Variants in STT3B observed in about 807,000 individuals in gnomAD.
STT3B encodes dolichyl-diphosphooligosaccharide--protein glycosyltransferase subunit STT3B.
Under a neutral mutation model 96.8 loss-of-function variants are expected in STT3B, and 29 were observed. That is an observed-to-expected ratio of 0.30 (90% CI 0.22 to 0.41). The LOEUF is 0.41. STT3B is among the 10% of genes least tolerant of loss of function. The pLI, the probability that STT3B is intolerant of heterozygous loss-of-function variation, is 1.00. For synonymous variants in STT3B, 367 were observed against 360.0 expected, an observed-to-expected ratio of 1.02 and a Z score of -0.22; for missense variants, 640 against 1,022.3, an observed-to-expected ratio of 0.63 and a Z score of 5.10.
chr3:31,575,039 C>G (rs1473914573), intron 1 of STT3B, among the ~76,000 whole-genome samples: 1 of 151,966 alleles, frequency 6.6e-6, no homozygotes, highest in Non-Finnish European at 1.5e-5. Flanking sequence ...TAAATGGATC[C>G]TTTATCATAA....
intron 5 of STT3B, among the ~76,000 whole-genome samples, chr3:31,604,141 A>AG (rs1471393619): frequency 6.6e-6 from 1 of 152,152 alleles, no homozygotes; most frequent in Admixed American, 6.5e-5. Flanking sequence ...CAGTGAGTTG[A>AG]GTAAGGAGAG....
At chr3:31,551,754 T>C (rs1022376899) in intron 1 of STT3B, among the ~76,000 whole-genome samples, 2 of 152,238 alleles carry the variant, frequency 1.3e-5, no homozygotes, top group Non-Finnish European at 2.9e-5. Flanking sequence ...AGACAGAGTC[T>C]AGGGTGATGG....
chr3:31,549,517 C>CT (rs907269337), intron 1 of STT3B, among the ~76,000 whole-genome samples: 18 of 151,644 alleles, frequency 1.2e-4, no homozygotes, highest in African/African-American at 3.9e-4. Context: ...CACTTTGGCT[C>CT]TTTCATCACA....
chr3:31,580,139 C>T lies in STT3B; in HGVS notation c.711+43C>T, dbSNP rs560425007. ...TTTTGCTGCCATTATTACTCGTGAC[C>T]TTTCTCCTGAAACACTTTAGGCTGT... On this transcript the variant is annotated intron_variant, in intron 3 of 15. Transcript: ENST00000295770. The T allele has an allele frequency of 1.2e-4, 196 of 1,579,884 alleles. 3 individuals are homozygous for T. The South Asian group carries it at 2.0e-3, about 16-fold the overall frequency.
chr3:31,563,332 T>C (rs1020429836), intron 1 of STT3B, among the ~76,000 whole-genome samples: 3 of 152,214 alleles, frequency 2.0e-5, no homozygotes, highest in African/African-American at 7.2e-5. Flanking sequence ...TAACATTCAG[T>C]CATTTAACAA....
At chr3:31,568,040 T>C (rs1050027801) in intron 1 of STT3B, among the ~76,000 whole-genome samples, 2 of 151,990 alleles carry the variant, frequency 1.3e-5, no homozygotes, top group African/African-American at 4.8e-5. Flanking sequence ...ATCATCATTC[T>C]GCTCTCTATC....
chr3:31,559,134 A>T (rs1421050377), intron 1 of STT3B, among the ~76,000 whole-genome samples: 180 of 61,314 alleles, frequency 2.9e-3, no homozygotes, highest in Middle Eastern at 0.011. Flanking sequence ...TTTTTGTTTC[A>T]TTGATTCTTG....
At chr3:31,571,856 A>G (rs1698146357) in intron 1 of STT3B, among the ~76,000 whole-genome samples, 2 of 150,324 alleles carry the variant, frequency 1.3e-5, no homozygotes, top group African/African-American at 2.4e-5. Flanking sequence ...TTTAGTAACA[A>G]CTCAATCTGT....
At chr3:31,624,230 T>TC in intron 11 of STT3B, among the ~76,000 whole-genome samples, 1 of 152,214 alleles carries the variant, frequency 6.6e-6, no homozygotes, top group South Asian at 2.1e-4. Flanking sequence ...CCGTGCACTC[T>TC]CCCCCGCCCC....
chr3:31,555,970 CT>C (rs1697699176), intron 1 of STT3B, among the ~76,000 whole-genome samples: 1 of 152,252 alleles, frequency 6.6e-6, no homozygotes, highest in South Asian at 2.1e-4. Flanking sequence ...TCACCCTACT[CT>C]GCTATACAAC....
chr3:31,611,442 A>G (rs1699177770), intron 5 of STT3B, among the ~76,000 whole-genome samples: 1 of 152,182 alleles, frequency 6.6e-6, no homozygotes, highest in African/African-American at 2.4e-5. Flanking sequence ...CATATATTAG[A>G]TGCTGTAGTA....
chr3:31,533,752 A>T (rs1371441601), intron 1 of STT3B: 2 of 153,252 alleles, frequency 1.3e-5, no homozygotes, highest in African/African-American at 2.4e-5. Flanking sequence ...GCGTTCTTTC[A>T]TATTTGCGGG....
chr3:31,572,334 C>T (rs1334807758), intron 1 of STT3B, among the ~76,000 whole-genome samples: 3 of 150,474 alleles, frequency 2.0e-5, no homozygotes, highest in African/African-American at 7.3e-5. Context: ...TAGAATTTAA[C>T]AGTAAGGAAA....
At chr3:31,589,151 T>A (rs1698611501) in intron 3 of STT3B, among the ~76,000 whole-genome samples, 1 of 152,070 alleles carries the variant, frequency 6.6e-6, no homozygotes, top group East Asian at 1.9e-4. Flanking sequence ...TCCACACATA[T>A]TCTGTTGGTT....
At chr3:31,565,621 G>C (rs1412267565) in intron 1 of STT3B, among the ~76,000 whole-genome samples, 1 of 152,196 alleles carries the variant, frequency 6.6e-6, no homozygotes, top group Non-Finnish European at 1.5e-5. Context: ...AGAAATGTGA[G>C]CTAGAGATAG....
At chr3:31,620,142 G>C in intron 9 of STT3B, 1 of 340,344 alleles carries the variant, frequency 2.9e-6, no homozygotes, top group South Asian at 2.8e-5. Flanking sequence ...GAACATGGTG[G>C]TGCATGCCTG....
At chr3:31,576,336 A>G in intron 1 of STT3B, 60 bp from the exon 2 acceptor site, 1 of 940,884 alleles carries the variant, frequency 1.1e-6, no homozygotes, top group Non-Finnish European at 1.6e-6. Context: ...GTTTAATATA[A>G]AGAAGGAGCT....
chr3:31,614,497 G>GT (rs1457147247), intron 5 of STT3B, among the ~76,000 whole-genome samples: 2 of 151,930 alleles, frequency 1.3e-5, no homozygotes, highest in Non-Finnish European at 2.9e-5. Flanking sequence ...AAAGAAGTGA[G>GT]TTTCTTTTAT....
chr3:31,553,962 A>G (rs1044167824), intron 1 of STT3B, among the ~76,000 whole-genome samples: 11 of 152,204 alleles, frequency 7.2e-5, no homozygotes, highest in African/African-American at 2.4e-4. Context: ...GATTATATCC[A>G]TATTTTATGG....
Sources: allele counts gnomAD v4.1 joint callset (sites outside exome capture counted in the v4.1 genomes callset), GRCh38; gene constraint gnomAD v4.1.1; transcripts MANE v1.5; gene names NCBI Gene and HGNC (gene_info 2026-07-23, HGNC 2026-07-21).